The following TLR6 variants were observed in gnomAD, a reference collection of about 807,000 sequenced individuals.
TLR6 encodes the protein toll-like receptor 6.
TLR6 carries 9 observed loss-of-function variants against 16.1 expected under a neutral mutation model. The ratio of observed to expected loss-of-function variants is 0.56; its 90% CI spans 0.34 to 0.98. The LOEUF is 0.98. Ranked by LOEUF, TLR6 falls within the 50% of genes least tolerant of loss-of-function variation. The pLI is 0.02. For synonymous variants in TLR6, 340 were observed against 338.6 expected, an observed-to-expected ratio of 1.00 and a Z score of -0.04; for missense variants, 786 against 921.0, an observed-to-expected ratio of 0.85 and a Z score of 1.90.
exon 2 of TLR6, chr4:38,827,111 A>G: frequency 6.3e-7 from 1 of 1,594,466 alleles, no homozygotes; most frequent in Non-Finnish European, 8.5e-7. Flanking sequence ...GTTTTCAGTG[A>G]CTAGTGTTAA....
chr4:38,834,523 A>G (rs2109427618), intron 1 of TLR6, among the ~76,000 whole-genome samples: 1 of 152,326 alleles, frequency 6.6e-6, no homozygotes, highest in East Asian at 1.9e-4. Flanking sequence ...AGGTATAGAC[A>G]TCCAGATACA....
At chr4:38,828,371 C>T in exon 2 of TLR6, 2 of 1,612,982 alleles carry the variant, frequency 1.2e-6, no homozygotes, top group Non-Finnish European at 1.7e-6. Flanking sequence ...TTCAAAAATA[C>T]TATCTGTGAA....
At chr4:38,849,072 C>G (rs887060067) in intron 1 of TLR6, among the ~76,000 whole-genome samples, 10 of 152,320 alleles carry the variant, frequency 6.6e-5, no homozygotes, top group African/African-American at 2.2e-4. Context: ...AGACTAACAG[C>G]TGATCTCTCG....
In TLR6 at chr4:38,852,396, A is replaced by G. The variant is rs1391960261; in HGVS notation, c.-65+4365T>C. On this transcript the variant is annotated intron_variant, in intron 1 of 1. Transcript: ENST00000436693. ...TTGACAAATGGGATCTAATTAAACT[A>G]AAGAGCTTCTGCACAGCAAAAGAAA... is the stretch of plus-strand genomic sequence containing the variant. Among the ~76,000 whole-genome samples the G allele has an allele frequency of 1.3e-5, 2 of 152,204 alleles. 1 individual carries two copies.
chr4:38,827,151 C>G, exon 2 of TLR6: 1 of 1,614,122 alleles, frequency 6.2e-7, no homozygotes, highest in Non-Finnish European at 8.5e-7. Flanking sequence ...CTAATGTTAG[C>G]CCAAAAGAGC....
At chr4:38,860,728 C>G (rs947753146), upstream of TLR6, among the ~76,000 whole-genome samples, 1 of 152,050 alleles carries the variant, frequency 6.6e-6, no homozygotes, top group African/African-American at 2.4e-5. Context: ...AGAAATAGCT[C>G]AAACACATGG....
chr4:38,839,330 G>A (rs1211312566), intron 1 of TLR6, among the ~76,000 whole-genome samples: 2 of 151,274 alleles, frequency 1.3e-5, no homozygotes, highest in Admixed American at 6.6e-5. Context: ...TAATAGAAAT[G>A]GAAAAAGCAT....
In TLR6 at chr4:38,836,386, G is replaced by GT. The variant is rs1334356774; in HGVS notation, c.-64-6850dup. Among the ~76,000 whole-genome samples, 4 of 152,158 alleles carry GT rather than the reference G, an allele frequency of 2.6e-5. No homozygotes were observed. In the South Asian group the frequency reaches 6.2e-4, roughly 24 times the overall value. On this transcript the variant is annotated intron_variant, in intron 1 of 1. Coordinates refer to ENST00000436693, the Ensembl canonical transcript of TLR6. ...ACAAATTGGAAACCCTACAGGAAAT[G>GT]TATAAATTTCTGGATATATACAACC...
intron 1 of TLR6, among the ~76,000 whole-genome samples, chr4:38,845,909 TG>T (rs1712506149): frequency 6.6e-6 from 1 of 151,826 alleles, no homozygotes; most frequent in African/African-American, 2.4e-5. Flanking sequence ...CTGGCCAACA[TG>T]GTGAAACCCT....
intron 1 of TLR6, among the ~76,000 whole-genome samples, chr4:38,846,227 C>G (rs1283500903): frequency 6.6e-6 from 1 of 152,012 alleles, no homozygotes; most frequent in Non-Finnish European, 1.5e-5. Context: ...AATCAAGAAG[C>G]ATGATACTGC....
At chr4:38,854,693 T>C (rs1712899373) in intron 1 of TLR6, among the ~76,000 whole-genome samples, 1 of 152,174 alleles carries the variant, frequency 6.6e-6, no homozygotes, top group African/African-American at 2.4e-5. Context: ...TTCTTAAAAA[T>C]ATACCTTCCT....
At chr4:38,828,191 T>G (rs1305650893) in exon 2 of TLR6, 1 of 1,613,986 alleles carries the variant, frequency 6.2e-7, no homozygotes. Flanking sequence ...CACTATACTC[T>G]CAACCCAAGT....
At chr4:38,842,737 A>C (rs1175886424) in intron 1 of TLR6, among the ~76,000 whole-genome samples, 1 of 152,178 alleles carries the variant, frequency 6.6e-6, no homozygotes, top group Admixed American at 6.5e-5. Context: ...CTCATGACCT[A>C]ATCACCTTCC....
intron 1 of TLR6, among the ~76,000 whole-genome samples, chr4:38,845,326 T>C (rs866593799): frequency 6.6e-6 from 1 of 152,178 alleles, no homozygotes; most frequent in African/African-American, 2.4e-5. Context: ...CCCAAAGATG[T>C]CTACTTCTAA....
chr4:38,868,128 G>C, the TLR6 span: 1 of 247,556 alleles, frequency 4.0e-6, no homozygotes. Context: ...CACACTCAGG[G>C]TCTGCCCCCT....
At chr4:38,856,966 G>A (rs1713016537), upstream of TLR6, 1 of 152,208 alleles carries the variant, frequency 6.6e-6, no homozygotes, top group Middle Eastern at 3.4e-3. Context: ...GTTTTTTCTG[G>A]GCTACAGACA....
At chr4:38,823,344 G>C (rs757648340), downstream of TLR6, among the ~76,000 whole-genome samples, 5 of 152,238 alleles carry the variant, frequency 3.3e-5, no homozygotes, top group Non-Finnish European at 7.3e-5. Flanking sequence ...GCCTAGGTGT[G>C]TAGTAAGCTA....
intron 1 of TLR6, among the ~76,000 whole-genome samples, chr4:38,832,147 T>C (rs1711635103): frequency 6.6e-6 from 1 of 152,120 alleles, no homozygotes; most frequent in Admixed American, 6.5e-5. Flanking sequence ...ATTCACACAA[T>C]AAAATACTAT....
intron 1 of TLR6, among the ~76,000 whole-genome samples, chr4:38,849,620 T>C (rs1286818965): frequency 6.6e-6 from 1 of 151,946 alleles, no homozygotes; most frequent in Non-Finnish European, 1.5e-5. Flanking sequence ...AAGGCAGGGG[T>C]TGCAATCCTA....
Sources: gnomAD v4.1 joint callset for allele counts (sites outside exome capture counted in the v4.1 genomes callset) on GRCh38, gnomAD v4.1.1 for gene constraint, MANE v1.5 for transcripts, NCBI Gene and HGNC (gene_info 2026-07-23, HGNC 2026-07-21) for gene names.